Variants in RNF130 observed in about 807,000 individuals in gnomAD.
The protein encoded by RNF130 is E3 ubiquitin-protein ligase RNF130.
RNF130 carries 21 observed loss-of-function variants against 44.6 expected under a neutral mutation model. That is an observed-to-expected ratio of 0.47 (90% CI 0.33 to 0.68). RNF130 has a LOEUF of 0.68. RNF130 is among the 30% of genes least tolerant of loss of function. The pLI is 0.02. For missense variants in RNF130, 479 were observed against 560.6 expected (o/e 0.85, Z 1.47); for synonymous variants, 214 against 210.4 (o/e 1.02, Z -0.15).
intron 5 of RNF130, among the ~76,000 whole-genome samples, chr5:179,975,585 T>C (rs1206624839): frequency 6.6e-6 from 1 of 152,158 alleles, no homozygotes; most frequent in African/African-American, 2.4e-5. Flanking sequence ...CTGAGCAGGC[T>C]GTGTGGTGCA....
intron 1 of RNF130, among the ~76,000 whole-genome samples, chr5:180,058,718 G>A (rs1157685650): frequency 6.6e-6 from 1 of 151,950 alleles, no homozygotes; most frequent in African/African-American, 2.4e-5. Flanking sequence ...ACCACGCCTG[G>A]CTAACGCTAA....
In RNF130 at chr5:179,960,715, T is replaced by C. The variant is rs760082804; in HGVS notation, c.1244+2756A>G. 5.9e-5 allele frequency among the ~76,000 whole-genome samples: 9 copies of C among 152,192 alleles called. No individual in the cohort carries two copies. The South Asian group carries it at 6.2e-4, about 10-fold the overall frequency. Reference sequence around the variant, plus strand: ...AAGGTAAACTATTCTAGTAGGTATATGCATAGAGGTGGAGTTTAGTATCAA... The same window carrying C: ...AAGGTAAACTATTCTAGTAGGTATACGCATAGAGGTGGAGTTTAGTATCAA... On this transcript the variant is annotated intron_variant, in intron 8 of 8. Coordinates refer to ENST00000521389, the MANE Select transcript of RNF130 (RefSeq NM_018434.6).
intron 7 of RNF130, among the ~76,000 whole-genome samples, chr5:179,930,600 G>A (rs1379637692): frequency 6.6e-6 from 1 of 152,152 alleles, no homozygotes; most frequent in Non-Finnish European, 1.5e-5. Flanking sequence ...AGTGACAGCA[G>A]ATAACCTTAT....
intron 3 of RNF130, among the ~76,000 whole-genome samples, chr5:179,985,227 C>G (rs1762928283): frequency 2.3e-5 from 3 of 129,070 alleles, no homozygotes; most frequent in Admixed American, 9.2e-5. Context: ...TATCATAAAT[C>G]CTGTGAAATC....
chr5:179,991,546 T>G (rs1329838528), intron 3 of RNF130, among the ~76,000 whole-genome samples: 1 of 152,186 alleles, frequency 6.6e-6, no homozygotes, highest in Non-Finnish European at 1.5e-5. Flanking sequence ...AGTTTTTCTT[T>G]TCTGTATTTC....
At chr5:180,022,677 TACTTAAGCCACGTCTCC>T (rs1439011803) in intron 2 of RNF130, among the ~76,000 whole-genome samples, 118 of 152,322 alleles carry the variant, frequency 7.7e-4, no homozygotes, top group African/African-American at 2.1e-3. Context: ...TTTGAACTGT[TACTTAAGCCACGTCTCC>T]ACTTAAGCCA....
intron 2 of RNF130, among the ~76,000 whole-genome samples, chr5:180,031,487 C>CA (rs991927327): frequency 1.4e-4 from 20 of 146,886 alleles, no homozygotes; most frequent in Admixed American, 9.5e-4. Flanking sequence ...GACTCCATCT[C>CA]AAAAAAAAAA....
intron 3 of RNF130, among the ~76,000 whole-genome samples, chr5:179,993,710 G>A (rs1017517779): frequency 1.3e-5 from 2 of 152,162 alleles, no homozygotes; most frequent in African/African-American, 4.8e-5. Flanking sequence ...CTTTAGCTGT[G>A]CAGAAGCTCT....
chr5:180,045,306 A>G (rs1224264964), intron 1 of RNF130, among the ~76,000 whole-genome samples: 2 of 152,190 alleles, frequency 1.3e-5, no homozygotes, highest in Admixed American at 1.3e-4. Context: ...GACTTCAAGA[A>G]GGAAGCCGCG....
At chr5:179,968,687 AAGAG>A (rs975530327) in intron 6 of RNF130, among the ~76,000 whole-genome samples, 2 of 151,114 alleles carry the variant, frequency 1.3e-5, no homozygotes, top group African/African-American at 4.9e-5. Flanking sequence ...AAAAAAAAAA[AAGAG>A]AGAAAGTTTC....
At chr5:179,974,165 C>T (rs1762656578) in intron 5 of RNF130, among the ~76,000 whole-genome samples, 1 of 152,206 alleles carries the variant, frequency 6.6e-6, no homozygotes, top group Admixed American at 6.5e-5. Context: ...CTTCTGCTAG[C>T]TGGGGCTGGC....
chr5:180,061,722 G>A (rs1339276319), intron 1 of RNF130, among the ~76,000 whole-genome samples: 1 of 152,148 alleles, frequency 6.6e-6, no homozygotes, highest in African/African-American at 2.4e-5. Context: ...ACAGTAAACT[G>A]AAATGATTTT....
chr5:180,028,801 T>A (rs1037462899), intron 2 of RNF130, among the ~76,000 whole-genome samples: 4 of 152,206 alleles, frequency 2.6e-5, no homozygotes, highest in African/African-American at 4.8e-5. Context: ...ACTAGATATA[T>A]TTTAAACAAT....
intron 2 of RNF130, among the ~76,000 whole-genome samples, chr5:180,028,845 A>G (rs1438072625): frequency 1.3e-5 from 2 of 152,270 alleles, no homozygotes; most frequent in Non-Finnish European, 2.9e-5. Context: ...GAGAATGAAG[A>G]AAAAGTATAC....
chr5:180,045,674 G>A (rs1764547927), intron 1 of RNF130, among the ~76,000 whole-genome samples: 1 of 152,144 alleles, frequency 6.6e-6, no homozygotes, highest in Non-Finnish European at 1.5e-5. Flanking sequence ...CCTTGAGTTA[G>A]ACACAGAGTG....
intron 8 of RNF130, among the ~76,000 whole-genome samples, chr5:179,961,482 G>C (rs1194225162): frequency 1.3e-5 from 2 of 152,146 alleles, no homozygotes; most frequent in African/African-American, 4.8e-5. Flanking sequence ...CACATACTAT[G>C]ATTTCTAATA....
At chr5:180,029,763 A>G (rs1007252423) in intron 2 of RNF130, among the ~76,000 whole-genome samples, 1 of 151,486 alleles carries the variant, frequency 6.6e-6, no homozygotes, top group African/African-American at 2.4e-5. Flanking sequence ...GCTGACCTAG[A>G]ACTCCTGGAC....
At chr5:180,036,321 TG>T (rs991500315) in intron 2 of RNF130, among the ~76,000 whole-genome samples, 10 of 152,220 alleles carry the variant, frequency 6.6e-5, no homozygotes, top group African/African-American at 2.4e-4. Flanking sequence ...TTAATAAGAC[TG>T]GTTTCCTAGG....
intron 7 of RNF130, among the ~76,000 whole-genome samples, chr5:179,965,304 C>T (rs1489195289): frequency 6.6e-6 from 1 of 152,184 alleles, no homozygotes; most frequent in African/African-American, 2.4e-5. Flanking sequence ...TGGGTGCCAG[C>T]GGGAGGCACT....
Sources: gnomAD v4.1 joint callset for allele counts (sites outside exome capture counted in the v4.1 genomes callset) on GRCh38, gnomAD v4.1.1 for gene constraint, MANE v1.5 for transcripts, NCBI Gene and HGNC (gene_info 2026-07-23, HGNC 2026-07-21) for gene names.